The following SOX5 variants were observed in gnomAD, a reference collection of about 807,000 sequenced individuals.
SOX5 encodes the protein transcription factor SOX-5.
Under a neutral mutation model 92.0 loss-of-function variants are expected in SOX5, and 9 were observed. The observed-to-expected ratio is 0.10, with a 90% CI of 0.06 to 0.17. The LOEUF is 0.17. SOX5 is among the 10% of genes least tolerant of loss of function. SOX5 has a pLI of 1.00. For synonymous variants in SOX5, 344 were observed against 336.3 expected (o/e 1.02, Z -0.25); for missense variants, 642 against 944.5 (o/e 0.68, Z 4.20).
At chr12:24,341,391 T>C (rs555823192) in intron 2 of SOX5, among the ~76,000 whole-genome samples, 4 of 152,148 alleles carry the variant, frequency 2.6e-5, no homozygotes, top group African/African-American at 9.7e-5. Flanking sequence ...GATGGGAGGA[T>C]TGCTTGAGCC....
rs564411107 is a variant in SOX5 at position 24,467,924 on chromosome 12, T to A, written c.-251+94405A>T. 4.0e-5 allele frequency among the ~76,000 whole-genome samples: 6 copies of A among 151,608 alleles called. No homozygotes were observed. In the East Asian group the frequency reaches 7.9e-4, roughly 20 times the overall value. ...CTTCATGGCTGTCTGGACCCCTAAG[T>A]AGAAACTAACTAGTCTGTGTTCTAC... On this transcript the variant is annotated intron_variant, in intron 1 of 4. Transcript: ENST00000446891.
intron 6 of SOX5, among the ~76,000 whole-genome samples, chr12:23,704,161 A>C (rs2091050675): frequency 6.6e-6 from 1 of 151,716 alleles, no homozygotes; most frequent in South Asian, 2.1e-4. Context: ...ACTCCTCCCC[A>C]TCTTCTAACG....
chr12:23,687,860 G>C (rs1357768680), intron 6 of SOX5, among the ~76,000 whole-genome samples: 2 of 145,318 alleles, frequency 1.4e-5, no homozygotes, highest in Non-Finnish European at 3.0e-5. Flanking sequence ...GTGTGTTATT[G>C]GGTAGTGCCA....
At position 23,606,520 on chromosome 12, in the gene SOX5, A is replaced by G. The variant is rs542764136; in HGVS notation, c.1018-1987T>C. On this transcript the variant is annotated intron_variant, in intron 8 of 14. Coordinates refer to ENST00000451604, the MANE Select transcript of SOX5 (RefSeq NM_006940.6). ...AACAGTTATTCAAAATTTAATTTTG[A>G]TTCTTCATATTACTGACAAAATTAT... 3.0e-4 allele frequency among the ~76,000 whole-genome samples: 45 copies of G among 151,936 alleles called. No individual in the cohort carries two copies. In the East Asian group the frequency reaches 8.7e-3, roughly 29 times the overall value.
intron 1 of SOX5, among the ~76,000 whole-genome samples, chr12:23,919,650 G>T (rs1228735466): frequency 6.6e-6 from 1 of 152,102 alleles, no homozygotes; most frequent in Non-Finnish European, 1.5e-5. Flanking sequence ...AGGAAGCCAA[G>T]GAATGGAGGT....
intron 1 of SOX5, among the ~76,000 whole-genome samples, chr12:23,902,316 A>G (rs1568805869): frequency 6.6e-6 from 1 of 152,154 alleles, no homozygotes; most frequent in East Asian, 1.9e-4. Flanking sequence ...TCTTTCTTTA[A>G]ATATTTTAAC....
chr12:23,951,899 T>C (rs1172136086), upstream of SOX5, among the ~76,000 whole-genome samples: 1 of 152,096 alleles, frequency 6.6e-6, no homozygotes, highest in Non-Finnish European at 1.5e-5. Flanking sequence ...AACAACCTAC[T>C]CCCACACAGA....
intron 4 of SOX5, among the ~76,000 whole-genome samples, chr12:23,979,249 A>G (rs1239658647): frequency 6.6e-6 from 1 of 152,116 alleles, no homozygotes; most frequent in Non-Finnish European, 1.5e-5. Flanking sequence ...TTTGAGACAG[A>G]GTCTTACTCT....
At chr12:24,196,051 A>G (rs12824348) in intron 4 of SOX5, among the ~76,000 whole-genome samples, 4,998 of 152,182 alleles carry the variant, frequency 0.033, 98 homozygotes, top group South Asian at 0.067. Flanking sequence ...CGCCTAGCTA[A>G]TTTTTGTATT....
chr12:23,970,519 T>A (rs1470831154), intron 4 of SOX5, among the ~76,000 whole-genome samples: 1 of 152,018 alleles, frequency 6.6e-6, no homozygotes, highest in African/African-American at 2.4e-5. Flanking sequence ...CTATTATATA[T>A]ACATATTTCA....
chr12:23,875,731 T>A (rs977911684), intron 2 of SOX5, among the ~76,000 whole-genome samples: 7 of 152,304 alleles, frequency 4.6e-5, no homozygotes, highest in Non-Finnish European at 1.0e-4. Flanking sequence ...ATTACACTAC[T>A]ATTACTCTAT....
rs1414504463 is a variant in SOX5, at chr12:24,404,899, A to C, written c.-250-36260T>G. On this transcript the variant is annotated intron_variant, in intron 1 of 4. Transcript: ENST00000446891. The stretch of plus-strand genomic sequence containing the variant: ...GATGAGGTCATTCTTGTGGGCCTTA[A>C]TCCAGTATAACTGGTGTCCTTATAA... 2.6e-5 allele frequency among the ~76,000 whole-genome samples: 4 copies of C among 152,136 alleles called. No homozygotes were observed. In the South Asian group the frequency reaches 8.3e-4, roughly 32 times the overall value.
chr12:24,447,529 C>A (rs566128730), intron 1 of SOX5, among the ~76,000 whole-genome samples: 4 of 151,528 alleles, frequency 2.6e-5, no homozygotes, highest in African/African-American at 7.3e-5. Flanking sequence ...AATGACACTA[C>A]GGAAAAAAAA....
intron 6 of SOX5, among the ~76,000 whole-genome samples, chr12:23,689,641 C>A (rs899623661): frequency 6.6e-6 from 1 of 152,034 alleles, no homozygotes; most frequent in South Asian, 2.1e-4. Context: ...TTTTTCCTAT[C>A]TCCCAAAAAT....
intron 4 of SOX5, among the ~76,000 whole-genome samples, chr12:24,042,852 G>C (rs1464298259): frequency 6.6e-6 from 1 of 152,124 alleles, no homozygotes. Context: ...CTAAAATACA[G>C]TGCTGGCATT....
intron 7 of SOX5, among the ~76,000 whole-genome samples, chr12:23,649,920 T>TGAA (rs2081339923): frequency 2.0e-5 from 3 of 152,274 alleles, no homozygotes; most frequent in Non-Finnish European, 4.4e-5. Flanking sequence ...CACTCTTTCA[T>TGAA]CTACTGAACT....
At chr12:24,298,235 A>G (rs2140595313) in intron 2 of SOX5, among the ~76,000 whole-genome samples, 1 of 152,154 alleles carries the variant, frequency 6.6e-6, no homozygotes, top group South Asian at 2.1e-4. Flanking sequence ...ACGTCCAGCT[A>G]ATTTTTGTGT....
intron 4 of SOX5, among the ~76,000 whole-genome samples, chr12:24,156,518 C>T (rs1243627260): frequency 6.6e-6 from 1 of 152,148 alleles, no homozygotes; most frequent in East Asian, 1.9e-4. Context: ...TCATTCCTCC[C>T]TGATATCAGT....
intron 1 of SOX5, among the ~76,000 whole-genome samples, chr12:24,530,077 C>T (rs182831441): frequency 7.8e-4 from 113 of 144,466 alleles, no homozygotes; most frequent in African/African-American, 2.6e-3. Flanking sequence ...AGGTACCCAA[C>T]ATATGAACAA....
Sources: allele counts gnomAD v4.1 joint callset (sites outside exome capture counted in the v4.1 genomes callset), GRCh38; gene constraint gnomAD v4.1.1; transcripts MANE v1.5; gene names NCBI Gene and HGNC (gene_info 2026-07-23, HGNC 2026-07-21).